Variants in EYS observed in about 807,000 individuals in gnomAD.
EYS encodes the protein protein eyes shut homolog.
EYS carries 250 observed loss-of-function variants against 282.1 expected under a neutral mutation model. The ratio of observed to expected loss-of-function variants is 0.89; its 90% CI spans 0.80 to 0.98. EYS has a LOEUF of 0.98. Among genes scored for constraint, EYS ranks in the 50% least tolerant of loss-of-function variants. The pLI, the probability that EYS is intolerant of heterozygous loss-of-function variation, is 0.00. For missense variants in EYS, 4,016 were observed against 3,709.0 expected (o/e 1.08, Z -2.15); for synonymous variants, 1,355 against 1,282.9 (o/e 1.06, Z -1.20).
chr6:64,291,485 T>C (rs1768706215), intron 30 of EYS, among the ~76,000 whole-genome samples: 1 of 152,048 alleles, frequency 6.6e-6, no homozygotes, highest in Admixed American at 6.6e-5. Context: ...AAAATAGATT[T>C]TAAAACATAA....
intron 31 of EYS, among the ~76,000 whole-genome samples, chr6:64,087,287 G>T (rs535788824): frequency 1.3e-5 from 2 of 152,194 alleles, no homozygotes; most frequent in Middle Eastern, 3.4e-3. Context: ...ACTCATCAGG[G>T]AATACAGTGT....
intron 12 of EYS, among the ~76,000 whole-genome samples, chr6:65,113,128 A>C (rs551332300): frequency 1.3e-5 from 2 of 152,216 alleles, no homozygotes; most frequent in Admixed American, 6.5e-5. Flanking sequence ...AAGCAGAAAC[A>C]TGAGGCACTA....
At chr6:63,834,695 T>C (rs928244043) in intron 36 of EYS, among the ~76,000 whole-genome samples, 4 of 151,524 alleles carry the variant, frequency 2.6e-5, no homozygotes, top group Non-Finnish European at 4.4e-5. Context: ...AGCCATCCCA[T>C]TACTGGGCAT....
chr6:65,413,083 C>T (rs996603669), intron 5 of EYS, among the ~76,000 whole-genome samples: 1 of 152,024 alleles, frequency 6.6e-6, no homozygotes, highest in African/African-American at 2.4e-5. Flanking sequence ...ATAATGGTCT[C>T]CATGTTATGC....
intron 5 of EYS, among the ~76,000 whole-genome samples, chr6:65,443,169 C>CAG (rs1554197142): frequency 1.4e-5 from 2 of 144,374 alleles, no homozygotes; most frequent in Non-Finnish European, 3.1e-5. Context: ...TATATGAGCA[C>CAG]ATATGTGCAC....
chr6:65,164,399 AC>A (rs1161212379), intron 12 of EYS, among the ~76,000 whole-genome samples: 1 of 149,802 alleles, frequency 6.7e-6, no homozygotes. Context: ...CTACGATTAT[AC>A]TTTTACTGCA....
At chr6:64,304,580 TCTTTTCTG>T (rs1561919031) in intron 30 of EYS, among the ~76,000 whole-genome samples, 2 of 126,286 alleles carry the variant, frequency 1.6e-5, no homozygotes, top group Non-Finnish European at 3.3e-5. Flanking sequence ...ATATAAATTA[TCTTTTCTG>T]ATCACAATGG....
chr6:64,691,892 A>T (rs1770397663), intron 22 of EYS, among the ~76,000 whole-genome samples: 1 of 152,158 alleles, frequency 6.6e-6, no homozygotes, highest in East Asian at 1.9e-4. Context: ...TCTTTATCCA[A>T]TCTATAATTG....
intron 2 of EYS, among the ~76,000 whole-genome samples, chr6:65,591,406 A>C (rs1302695276): frequency 6.6e-6 from 1 of 151,688 alleles, no homozygotes; most frequent in African/African-American, 2.4e-5. Context: ...GTTTCTCATA[A>C]TGCCTTTCCA....
intron 33 of EYS, among the ~76,000 whole-genome samples, chr6:64,038,384 C>T (rs956277777): frequency 1.3e-5 from 2 of 152,018 alleles, no homozygotes; most frequent in Non-Finnish European, 2.9e-5. Context: ...TTTTAACCAT[C>T]CCATAATGTA....
chr6:65,644,174 A>G (rs957831784), intron 1 of EYS, among the ~76,000 whole-genome samples: 1 of 152,190 alleles, frequency 6.6e-6, no homozygotes, highest in African/African-American at 2.4e-5. Flanking sequence ...AAAACATGAT[A>G]CAGGTTATTA....
At chr6:63,862,546 T>A (rs1412048848) in intron 36 of EYS, among the ~76,000 whole-genome samples, 1 of 152,218 alleles carries the variant, frequency 6.6e-6, no homozygotes, top group East Asian at 1.9e-4. Flanking sequence ...AAACAATCAT[T>A]TTTTGTGTAT....
intron 1 of EYS, among the ~76,000 whole-genome samples, chr6:65,670,450 G>A (rs2149832161): frequency 6.6e-6 from 1 of 152,048 alleles, no homozygotes; most frequent in African/African-American, 2.4e-5. Flanking sequence ...TTATTTCATT[G>A]AAATATCATA....
At chr6:64,320,552 C>G (rs1027428028) in intron 29 of EYS, among the ~76,000 whole-genome samples, 7 of 151,538 alleles carry the variant, frequency 4.6e-5, no homozygotes, top group Admixed American at 1.3e-4. Context: ...TATTTCTATA[C>G]TAGATTCTTA....
intron 40 of EYS, among the ~76,000 whole-genome samples, chr6:63,765,214 T>G (rs894723808): frequency 1.3e-5 from 2 of 152,092 alleles, no homozygotes; most frequent in African/African-American, 4.8e-5. Flanking sequence ...TGCTTGATAC[T>G]GAGATTCTAC....
chr6:65,179,369 A>G (rs184064615), intron 12 of EYS, among the ~76,000 whole-genome samples: 1 of 152,272 alleles, frequency 6.6e-6, no homozygotes, highest in Admixed American at 6.5e-5. Flanking sequence ...AAAAAATGAT[A>G]AAGGGGATAC....
In EYS at chr6:65,012,220, T is replaced by A. The variant is rs183619638; in HGVS notation, c.2138-14517A>T. Among the ~76,000 whole-genome samples the A allele has an allele frequency of 1.4e-4, 21 of 152,336 alleles. 1 individual carries two copies. The East Asian group carries it at 3.1e-3, about 22-fold the overall frequency. ...TGCCATTGTGTGAAATGTACACAAG[T>A]ATTTAAGAAATAGGATTATTTGATT... On this transcript the variant is annotated intron_variant, in intron 13 of 42. Transcript: ENST00000503581.
intron 1 of EYS, among the ~76,000 whole-genome samples, chr6:65,654,239 G>C (rs1767744218): frequency 6.6e-6 from 1 of 151,738 alleles, no homozygotes; most frequent in South Asian, 2.1e-4. Flanking sequence ...GCCAGAAATA[G>C]CCTATGAATT....
intron 12 of EYS, among the ~76,000 whole-genome samples, chr6:65,294,096 C>T (rs890513119): frequency 2.0e-5 from 3 of 151,460 alleles, no homozygotes; most frequent in African/African-American, 4.8e-5. Flanking sequence ...ACGGAGAAAT[C>T]AGATGGGAAG....
Sources: gnomAD v4.1 joint callset for allele counts (sites outside exome capture counted in the v4.1 genomes callset) on GRCh38, gnomAD v4.1.1 for gene constraint, MANE v1.5 for transcripts, NCBI Gene and HGNC (gene_info 2026-07-23, HGNC 2026-07-21) for gene names.